The following CNBD1 variants were observed in gnomAD, a reference collection of about 807,000 sequenced individuals.
CNBD1 encodes the protein cyclic nucleotide-binding domain-containing protein 1.
In CNBD1, 71 loss-of-function variants were observed where a neutral mutation model predicts 54.4. That is an observed-to-expected ratio of 1.30 (90% CI 1.08 to 1.59). The LOEUF (loss-of-function observed/expected upper bound fraction) is 1.59. Ranked by LOEUF, CNBD1 falls within the 40% of genes most tolerant of loss-of-function variation. The pLI, the probability that CNBD1 is intolerant of heterozygous loss-of-function variation, is 0.00. For missense variants in CNBD1, 659 were observed against 518.0 expected (o/e 1.27, Z -2.64); for synonymous variants, 182 against 170.7 (o/e 1.07, Z -0.51).
At chr8:87,217,817 G>A (rs558149644) in intron 5 of CNBD1, among the ~76,000 whole-genome samples, 80 of 152,020 alleles carry the variant, frequency 5.3e-4, no homozygotes, top group Non-Finnish European at 9.6e-4. Flanking sequence ...GTTATCCAGG[G>A]ATATATTTTA....
In CNBD1 at chr8:87,284,727, A is replaced by T. The variant is rs1165554056; in HGVS notation, c.821A>T (p.Glu274Val). ...ACTCTGGAAGTTATGCCTCAGAATG[A>T]ATCGGAAACACAGATGTTCTCGGTG... The part of the protein sequence containing the change: ...FGTLEVMPQN[E>V]SETQMFSVVT... Residue 274 changes from glutamate (E) to valine (V), a missense_variant, in exon 7 of 11, where the codon GAA becomes GTA. Physicochemically the swap from Glu to Val is moderately radical, Grantham distance 121. Transcript: ENST00000518476. 4.4e-6 allele frequency: 7 copies of T among 1,605,930 alleles called. No individual in the cohort carries two copies. The highest frequency in any genetic ancestry group is 5.1e-6 in the Non-Finnish European group (6 of 1,176,270).
intron 3 of CNBD1, 42 bp downstream of exon 3, chr8:86,905,236 A>G (rs1241328662): frequency 5.3e-6 from 6 of 1,128,920 alleles, no homozygotes; most frequent in Non-Finnish European, 6.7e-6. Context: ...ATGGGTGTGT[A>G]TGAGTGTGCT....
chr8:86,868,325 A>G (rs749710952), intron 1 of CNBD1, among the ~76,000 whole-genome samples: 2 of 151,908 alleles, frequency 1.3e-5, no homozygotes, highest in Non-Finnish European at 2.9e-5. Context: ...CTCTGTAAGT[A>G]TTTATTTATT....
intron 4 of CNBD1, among the ~76,000 whole-genome samples, chr8:87,053,811 A>T (rs1563450893): frequency 6.6e-6 from 1 of 152,180 alleles, no homozygotes. Flanking sequence ...AATGGAGGGA[A>T]TGTTCTAGCT....
At chr8:87,342,278 GAAA>G (rs59161814) in intron 8 of CNBD1, among the ~76,000 whole-genome samples, 1 of 138,472 alleles carries the variant, frequency 7.2e-6, no homozygotes, top group African/African-American at 2.6e-5. Context: ...ATCTCAAAAA[GAAA>G]AAAAAAAAAA....
intron 8 of CNBD1, among the ~76,000 whole-genome samples, chr8:87,345,950 G>A (rs1285331170): frequency 7.2e-6 from 1 of 138,560 alleles, no homozygotes; most frequent in African/African-American, 2.5e-5. Flanking sequence ...CAAATGCATA[G>A]TTCTTTGAAA....
At chr8:87,378,513 A>G (rs1185858563) in intron 10 of CNBD1, among the ~76,000 whole-genome samples, 4 of 150,904 alleles carry the variant, frequency 2.7e-5, no homozygotes, top group Non-Finnish European at 4.4e-5. Context: ...ATTGATCTAT[A>G]TCTCTGTTTT....
chr8:87,288,237 T>C (rs950818564), intron 8 of CNBD1, among the ~76,000 whole-genome samples: 3 of 152,084 alleles, frequency 2.0e-5, no homozygotes, highest in South Asian at 2.1e-4. Flanking sequence ...TTAATTCTTA[T>C]AATAATTTTT....
intron 4 of CNBD1, among the ~76,000 whole-genome samples, chr8:87,124,830 G>C (rs914887501): frequency 6.6e-5 from 10 of 151,718 alleles, no homozygotes; most frequent in Non-Finnish European, 1.5e-5. Flanking sequence ...AGAAATACAA[G>C]CATCCGAGTA....
rs1808363631 is a variant in CNBD1 at position 86,866,525 on chromosome 8, T to A, written c.30T>A (p.Ile10=). 1 of 1,612,212 alleles carries A rather than the reference T, an allele frequency of 6.2e-7. No homozygotes were observed. Among genetic ancestry groups the A allele is most frequent in the Non-Finnish European group, 8.5e-7 (1 of 1,179,328 alleles). The change falls in exon 1 of 11, where the codon ATT becomes ATA. Residue 10 remains isoleucine (I), a synonymous_variant. Coordinates refer to ENST00000518476, the MANE Select transcript of CNBD1 (RefSeq NM_173538.3). ...CGATGTCTTCTCTTCCAGCAGCTAT[T>A]TTGTCTCACATGACAGCTATTAACA... The part of the protein sequence containing the change: MPMSSLPAA[I]LSHMTAINNV...
At chr8:86,880,233 C>T (rs1808585018) in intron 1 of CNBD1, among the ~76,000 whole-genome samples, 1 of 77,942 alleles carries the variant, frequency 1.3e-5, no homozygotes, top group African/African-American at 6.6e-5. Flanking sequence ...TTCTGATTAA[C>T]GATCCTTATT....
At chr8:87,371,938 C>T (rs559903662) in intron 10 of CNBD1, among the ~76,000 whole-genome samples, 7,495 of 150,678 alleles carry the variant, frequency 0.05, 605 homozygotes, top group African/African-American at 0.17. Flanking sequence ...AAGACAGGGA[C>T]GCCCTCTCTC....
At chr8:87,030,617 G>C (rs989676950) in intron 4 of CNBD1, among the ~76,000 whole-genome samples, 4 of 152,032 alleles carry the variant, frequency 2.6e-5, no homozygotes, top group African/African-American at 9.7e-5. Context: ...AAAATAGACA[G>C]TGTATTTTAA....
downstream of CNBD1, among the ~76,000 whole-genome samples, chr8:87,386,652 G>A (rs1811196427): frequency 1.3e-5 from 2 of 152,158 alleles, no homozygotes; most frequent in Admixed American, 6.5e-5. Context: ...GAAAGTGATG[G>A]GGAGAATGGA....
intron 4 of CNBD1, among the ~76,000 whole-genome samples, chr8:87,170,289 G>A (rs1177541475): frequency 2.6e-5 from 4 of 151,798 alleles, no homozygotes; most frequent in Admixed American, 2.0e-4. Flanking sequence ...TTGTTTATCA[G>A]TTCTAATAGT....
chr8:86,961,931 G>A (rs1807938754), intron 4 of CNBD1, among the ~76,000 whole-genome samples: 1 of 151,664 alleles, frequency 6.6e-6, no homozygotes, highest in Non-Finnish European at 1.5e-5. Flanking sequence ...TTTTTCATGT[G>A]CCAATCTCCT....
chr8:87,143,929 C>G (rs776002252), intron 4 of CNBD1, among the ~76,000 whole-genome samples: 1 of 152,086 alleles, frequency 6.6e-6, no homozygotes, highest in Non-Finnish European at 1.5e-5. Context: ...GTTAAAGGGT[C>G]CCTATGATAA....
chr8:87,348,493 T>A (rs1810218520), intron 8 of CNBD1, among the ~76,000 whole-genome samples: 1 of 152,268 alleles, frequency 6.6e-6, no homozygotes, highest in Non-Finnish European at 1.5e-5. Flanking sequence ...AAAGATAACA[T>A]TAATTGGTAC....
At chr8:86,971,628 C>CT (rs1265779126) in intron 4 of CNBD1, among the ~76,000 whole-genome samples, 10 of 152,072 alleles carry the variant, frequency 6.6e-5, no homozygotes, top group Non-Finnish European at 1.3e-4. Context: ...TTATTTTAGT[C>CT]TTTTTTACTC....
Sources: allele counts gnomAD v4.1 joint callset (sites outside exome capture counted in the v4.1 genomes callset), GRCh38; gene constraint gnomAD v4.1.1; transcripts MANE v1.5; gene names NCBI Gene and HGNC (gene_info 2026-07-23, HGNC 2026-07-21).